The following ZC2HC1B variants were observed in gnomAD, a reference collection of about 807,000 sequenced individuals.
ZC2HC1B encodes zinc finger C2HC-type containing 1B, also known as zinc finger C2HC domain-containing protein 1B.
In ZC2HC1B, 36 loss-of-function variants were observed where a neutral mutation model predicts 31.0. The ratio of observed to expected loss-of-function variants is 1.16; its 90% CI spans 0.89 to 1.54. The LOEUF (loss-of-function observed/expected upper bound fraction) is 1.54, where lower values mean the gene tolerates loss of function less well. Ranked by LOEUF, ZC2HC1B falls within the 40% of genes most tolerant of loss-of-function variation. The pLI is 0.00. For synonymous variants in ZC2HC1B, 73 were observed against 88.0 expected, an observed-to-expected ratio of 0.83 and a Z score of 0.95; for missense variants, 260 against 268.6, an observed-to-expected ratio of 0.97 and a Z score of 0.22.
At chr6:143,937,571 G>T in intron 6 of ZC2HC1B, 78 bp from the exon 7 acceptor site, 1 of 1,332,496 alleles carries the variant, frequency 7.5e-7, no homozygotes, top group Non-Finnish European at 1.0e-6. Flanking sequence ...AACCCATGTG[G>T]GGATTTCACA....
chr6:143,934,115 G>A lies in ZC2HC1B; in HGVS notation c.599-3534G>A, dbSNP rs7753677. ...CTAGGTAAGGCTAAATTCTTCTCCC[G>A]TAATCTGGATTTTTCAGGTTCCTCA... On this transcript the variant is annotated intron_variant, in intron 6 of 7. Coordinates refer to ENST00000237275, the MANE Select transcript of ZC2HC1B (RefSeq NM_001013623.3). This position sits in a 1 kb window ranked among gnomAD's most constrained non-coding sequence, Gnocchi z 4.6. 0.64 allele frequency among the ~76,000 whole-genome samples: 97,889 copies of A among 152,038 alleles called. 31,992 individuals are homozygous for A. Among genetic ancestry groups the A allele is most frequent in the South Asian group, 0.78 (3,756 of 4,816 alleles).
intron 6 of ZC2HC1B, among the ~76,000 whole-genome samples, chr6:143,914,497 C>T (rs1027949973): frequency 6.6e-5 from 10 of 152,138 alleles, no homozygotes; most frequent in African/African-American, 2.4e-4. Context: ...ACATGTGGTT[C>T]ATTCTGGAAA....
At chr6:143,931,563 C>T (rs1312488940) in intron 6 of ZC2HC1B, among the ~76,000 whole-genome samples, 1 of 152,012 alleles carries the variant, frequency 6.6e-6, no homozygotes, top group Non-Finnish European at 1.5e-5. Flanking sequence ...CTGAAAAAGA[C>T]TTTATCTCTC....
At position 143,904,000 on chromosome 6, in the gene ZC2HC1B, A is replaced by G. The variant is rs1002299903; in HGVS notation, c.598+848A>G. On this transcript the variant is annotated intron_variant, in intron 6 of 7. Coordinates refer to ENST00000237275, the MANE Select transcript of ZC2HC1B (RefSeq NM_001013623.3). The surrounding 1 kb of genome is among the most constrained non-coding windows in gnomAD (Gnocchi z 4.3). ...CAGAGGCTGACTGTAATTTCTTCAA[A>G]GTAGCAACAAGGCAGAACCATAGGA... Among the ~76,000 whole-genome samples, 1 of 152,220 alleles carries G rather than the reference A, an allele frequency of 6.6e-6. No individual in the cohort carries two copies. The highest frequency in any genetic ancestry group is 2.4e-5 in the African/African-American group (1 of 41,450).
At chr6:143,879,694 A>T (rs1373709851) in intron 1 of ZC2HC1B, among the ~76,000 whole-genome samples, 1 of 152,188 alleles carries the variant, frequency 6.6e-6, no homozygotes, top group Non-Finnish European at 1.5e-5. Flanking sequence ...TTCCAGCTCA[A>T]GAAAGAGAAT....
intron 4 of ZC2HC1B, among the ~76,000 whole-genome samples, chr6:143,888,075 G>A (rs547585131): frequency 7.4e-4 from 113 of 151,966 alleles, no homozygotes; most frequent in African/African-American, 2.5e-3. Context: ...ATTTTAAGTC[G>A]ATTTTTGTGT....
chr6:143,902,232 G>A (rs1777745810), intron 5 of ZC2HC1B, among the ~76,000 whole-genome samples: 1 of 152,174 alleles, frequency 6.6e-6, no homozygotes, highest in Non-Finnish European at 1.5e-5. Flanking sequence ...TTCAAAAATG[G>A]AACAAGAAAG....
In ZC2HC1B at chr6:143,869,276, G is replaced by T. The variant is rs559743820; in HGVS notation, c.28+4709G>T. 8.5e-5 allele frequency among the ~76,000 whole-genome samples: 13 copies of T among 152,140 alleles called. No individual in the cohort carries two copies. Among genetic ancestry groups the T allele is most frequent in the South Asian group, 2.1e-4 (1 of 4,830 alleles). ...ATGCCTACTCTTCCTTACCTCTGTT[G>T]TGGAGTAGTAGAGCATACACGATCT... On this transcript the variant is annotated intron_variant, in intron 1 of 7. Transcript: ENST00000237275. This position sits in a 1 kb window ranked among gnomAD's most constrained non-coding sequence, Gnocchi z 5.2.
intron 6 of ZC2HC1B, among the ~76,000 whole-genome samples, chr6:143,912,947 C>A (rs1398586144): frequency 1.3e-5 from 2 of 152,224 alleles, no homozygotes; most frequent in Admixed American, 6.5e-5. Context: ...TGGGACCTGA[C>A]TGGGAGTACC....
In ZC2HC1B at chr6:143,895,997, G is replaced by A. The variant is rs1487424732; in HGVS notation, c.350-2555G>A. On this transcript the variant is annotated intron_variant, in intron 4 of 7. Coordinates refer to ENST00000237275, the MANE Select transcript of ZC2HC1B (RefSeq NM_001013623.3). The surrounding 1 kb of genome is among the most constrained non-coding windows in gnomAD (Gnocchi z 4.8). Reference sequence around the variant, plus strand: ...GTTATGCTGGGTTCAGATTATTGTTGCAGAAAATACAACAATTCTCAAAAT... The same window carrying A: ...GTTATGCTGGGTTCAGATTATTGTTACAGAAAATACAACAATTCTCAAAAT... Among the ~76,000 whole-genome samples, 1 of 152,160 alleles carries A rather than the reference G, an allele frequency of 6.6e-6. No individual in the cohort carries two copies. Among genetic ancestry groups the A allele is most frequent in the Non-Finnish European group, 1.5e-5 (1 of 68,036 alleles).
intron 1 of ZC2HC1B, among the ~76,000 whole-genome samples, chr6:143,878,990 G>A (rs1777438052): frequency 6.6e-6 from 1 of 152,182 alleles, no homozygotes; most frequent in Admixed American, 6.5e-5. Flanking sequence ...ATTTATCCAA[G>A]GAGTAGGAGA....
chr6:143,865,791 G>A lies in ZC2HC1B; in HGVS notation c.28+1224G>A, dbSNP rs996537427. On this transcript the variant is annotated intron_variant, in intron 1 of 7. Coordinates refer to ENST00000237275, the MANE Select transcript of ZC2HC1B (RefSeq NM_001013623.3). The surrounding 1 kb of genome is among the most constrained non-coding windows in gnomAD (Gnocchi z 4.4). ...AAGGCCTAAGAGATCCAGGCAGGGGGCAAAATCTTGAAGAATTTGTATCTT... is the reference window on the plus strand; with the variant it reads ...AAGGCCTAAGAGATCCAGGCAGGGGACAAAATCTTGAAGAATTTGTATCTT... Among the ~76,000 whole-genome samples, 1 of 152,128 alleles carries A rather than the reference G, an allele frequency of 6.6e-6. No homozygotes were observed. Among genetic ancestry groups the A allele is most frequent in the Non-Finnish European group, 1.5e-5 (1 of 68,022 alleles).
In ZC2HC1B at chr6:143,887,359, CT is replaced by C. The variant is rs969467128; in HGVS notation, c.349+545del. Reference sequence around the variant, plus strand: ...GCTGTTGCCATAATTTCTCCTTTATCTTTTTTTCTTTGGCAGAACCATTTAA... The same window carrying C: ...GCTGTTGCCATAATTTCTCCTTTATCTTTTTTCTTTGGCAGAACCATTTAA... On this transcript the variant is annotated intron_variant, in intron 4 of 7. Coordinates refer to ENST00000237275, the MANE Select transcript of ZC2HC1B (RefSeq NM_001013623.3). The surrounding 1 kb of genome is among the most constrained non-coding windows in gnomAD (Gnocchi z 5.1). Among the ~76,000 whole-genome samples, 18 of 152,178 alleles carry C rather than the reference CT, an allele frequency of 1.2e-4. No homozygotes were observed. The highest frequency in any genetic ancestry group is 3.9e-4 in the African/African-American group (16 of 41,454).
At position 143,931,943 on chromosome 6, in the gene ZC2HC1B, C is replaced by T. The variant is rs145819995; in HGVS notation, c.599-5706C>T. 2.1e-3 allele frequency among the ~76,000 whole-genome samples: 320 copies of T among 150,682 alleles called. 7 individuals are homozygous for T. The East Asian group carries it at 0.038, about 18-fold the overall frequency. ...GCAATGGCATGATCTCGGCTCACTG[C>T]AACCTCCACCTCCCAGGTTCAAGCG... On this transcript the variant is annotated intron_variant, in intron 6 of 7. Coordinates refer to ENST00000237275, the MANE Select transcript of ZC2HC1B (RefSeq NM_001013623.3).
intron 6 of ZC2HC1B, among the ~76,000 whole-genome samples, chr6:143,928,484 T>C (rs1238134880): frequency 6.6e-6 from 1 of 152,220 alleles, no homozygotes; most frequent in Admixed American, 6.5e-5. Flanking sequence ...TCTATGTTTA[T>C]ACCAGTACCA....
chr6:143,864,585 T>C lies in ZC2HC1B; in HGVS notation c.28+18T>C, dbSNP rs1301720193. 9 of 1,551,408 alleles carry C rather than the reference T, an allele frequency of 5.8e-6. No homozygotes were observed. The highest frequency in any genetic ancestry group is 1.2e-5 in the South Asian group (1 of 84,056). The stretch of plus-strand genomic sequence containing the variant: ...TTTGGCAGGTGAGCTGCACTTGATA[T>C]CTAAATTATTAGAAAATGCCTTCAT... On this transcript the variant is annotated intron_variant, in intron 1 of 7. Coordinates refer to ENST00000237275, the MANE Select transcript of ZC2HC1B (RefSeq NM_001013623.3).
Position 143,917,381 on chromosome 6 carries a change from TG to T in ZC2HC1B, c.598+14230del, listed in dbSNP as rs2128496586. ...TCTTCTTTTGTTTTTAGTTGATTTT[TG>T]AAGCAAAACATTTATATTCCTTCCT... On this transcript the variant is annotated intron_variant, in intron 6 of 7. Coordinates refer to ENST00000237275, the MANE Select transcript of ZC2HC1B (RefSeq NM_001013623.3). The surrounding 1 kb of genome is among the most constrained non-coding windows in gnomAD (Gnocchi z 4.1). Among the ~76,000 whole-genome samples the T allele has an allele frequency of 6.6e-6, 1 of 152,386 alleles. No individual in the cohort carries two copies. The highest frequency in any genetic ancestry group is 1.9e-4 in the East Asian group (1 of 5,196).
At chr6:143,882,334 T>TTTTTATA (rs1554237237) in intron 1 of ZC2HC1B, among the ~76,000 whole-genome samples, 5 of 85,534 alleles carry the variant, frequency 5.8e-5, no homozygotes, top group Non-Finnish European at 8.1e-5. Flanking sequence ...TTTATATTTT[T>TTTTTATA]TATATATATA....
intron 6 of ZC2HC1B, among the ~76,000 whole-genome samples, chr6:143,928,470 T>C (rs562761569): frequency 5.0e-4 from 76 of 152,316 alleles, no homozygotes; most frequent in African/African-American, 1.7e-3. Context: ...TGTTGATCTA[T>C]ATGTCTATGT....
Sources: allele counts gnomAD v4.1 joint callset (sites outside exome capture counted in the v4.1 genomes callset), GRCh38; gene constraint gnomAD v4.1.1; non-coding constraint Gnocchi (gnomAD v3.1); transcripts MANE v1.5; gene names NCBI Gene and HGNC (gene_info 2026-07-23, HGNC 2026-07-21).